STX8: variants seen among roughly 807,000 people sequenced by gnomAD.
STX8 encodes syntaxin-8.
Under a neutral mutation model 37.5 loss-of-function variants are expected in STX8, and 23 were observed. That is an observed-to-expected ratio of 0.61 (90% CI 0.44 to 0.87). STX8 has a LOEUF of 0.87. Among genes scored for constraint, STX8 ranks in the 40% least tolerant of loss-of-function variants. The probability of loss-of-function intolerance (pLI) is 0.00; values close to 1 mark genes in which losing one functional copy is unlikely to be tolerated. For missense variants in STX8, 313 were observed against 284.7 expected (o/e 1.10, Z -0.71); for synonymous variants, 115 against 99.1 (o/e 1.16, Z -0.95).
intron 6 of STX8, among the ~76,000 whole-genome samples, chr17:9,476,745 A>G (rs542469572): frequency 8.6e-5 from 13 of 151,826 alleles, no homozygotes; most frequent in East Asian, 3.9e-4. Flanking sequence ...GAGCCACCGC[A>G]CCCAGCCAGA....
intron 6 of STX8, among the ~76,000 whole-genome samples, chr17:9,462,035 T>C (rs1463012248): frequency 3.3e-5 from 5 of 152,092 alleles, no homozygotes; most frequent in South Asian, 2.1e-4. Flanking sequence ...GGGCTATAAA[T>C]ACAGATGAAG....
intron 7 of STX8, among the ~76,000 whole-genome samples, chr17:9,344,207 G>A (rs183870646): frequency 2.6e-5 from 4 of 151,864 alleles, no homozygotes; most frequent in Admixed American, 2.0e-4. Context: ...TCAAGACCAC[G>A]GAGGCTCCAG....
chr17:9,362,691 G>A (rs536385564), intron 7 of STX8, among the ~76,000 whole-genome samples: 13 of 151,806 alleles, frequency 8.6e-5, no homozygotes, highest in African/African-American at 2.4e-4. Flanking sequence ...GCGTGGTGGC[G>A]GGCGCCTGTA....
At chr17:9,349,923 G>C (rs919625556) in intron 7 of STX8, among the ~76,000 whole-genome samples, 1 of 152,114 alleles carries the variant, frequency 6.6e-6, no homozygotes, top group Admixed American at 6.5e-5. Flanking sequence ...CTTTTGTAGA[G>C]ATGGGGTCTG....
In STX8 at chr17:9,575,820, C is replaced by T; in HGVS notation, c.-12G>A. 3.2e-6 allele frequency: 5 copies of T among 1,538,936 alleles called. No homozygotes were observed. Among genetic ancestry groups the T allele is most frequent in the African/African-American group, 1.4e-5 (1 of 73,134 alleles). On this transcript the variant is annotated 5_prime_UTR_variant, in exon 1 of 8. Transcript: ENST00000306357. ...GGGTCCGGTGCCATCCTGCAGACTC[C>T]GCCCGCCGCTCGGACTCTTCCTGCT...
At chr17:9,303,654 A>T (rs960967635) in intron 7 of STX8, among the ~76,000 whole-genome samples, 3 of 152,224 alleles carry the variant, frequency 2.0e-5, no homozygotes, top group African/African-American at 7.2e-5. Flanking sequence ...TAGGGCTTAA[A>T]ATTAATCTCT....
At chr17:9,487,134 T>A (rs1215173254) in intron 6 of STX8, among the ~76,000 whole-genome samples, 1 of 152,200 alleles carries the variant, frequency 6.6e-6, no homozygotes, top group East Asian at 1.9e-4. Context: ...CCCTTTTTAA[T>A]TCTCTATGAG....
At chr17:9,551,440 T>C (rs566039300) in intron 3 of STX8, among the ~76,000 whole-genome samples, 3 of 152,262 alleles carry the variant, frequency 2.0e-5, no homozygotes, top group South Asian at 2.1e-4. Flanking sequence ...ACAATAATGA[T>C]AAAATAATCA....
At chr17:9,462,577 G>A (rs894678405) in intron 6 of STX8, among the ~76,000 whole-genome samples, 2 of 152,006 alleles carry the variant, frequency 1.3e-5, no homozygotes, top group Non-Finnish European at 2.9e-5. Flanking sequence ...CAAAAAATTC[G>A]CTGGGCGTGG....
At chr17:9,535,160 T>C (rs1905977386) in intron 4 of STX8, among the ~76,000 whole-genome samples, 1 of 152,052 alleles carries the variant, frequency 6.6e-6, no homozygotes, top group Non-Finnish European at 1.5e-5. Flanking sequence ...CACAGGAGAA[T>C]TTCTTTATAA....
intron 7 of STX8, among the ~76,000 whole-genome samples, chr17:9,267,131 T>C (rs903381380): frequency 6.6e-6 from 1 of 152,172 alleles, no homozygotes; most frequent in African/African-American, 2.4e-5. Flanking sequence ...GGAAGCTGTA[T>C]GGCATAAGAG....
rs370197594 is a variant in STX8 at position 9,441,892 on chromosome 17, G to T, written c.541+49937C>A. 7.2e-5 allele frequency among the ~76,000 whole-genome samples: 11 copies of T among 151,780 alleles called. No individual in the cohort carries two copies. In the East Asian group the frequency reaches 1.8e-3, roughly 24 times the overall value. Reference sequence around the variant, plus strand: ...GGGTTTCACCGTGTTAGCCAGGATGGTCTCAATCTCCTGACCTCGTGATCC... The same window carrying T: ...GGGTTTCACCGTGTTAGCCAGGATGTTCTCAATCTCCTGACCTCGTGATCC... On this transcript the variant is annotated intron_variant, in intron 6 of 7. Coordinates refer to ENST00000306357, the MANE Select transcript of STX8 (RefSeq NM_004853.3).
rs76388252 is a variant in STX8, at chr17:9,405,097, T to C, written c.542-26444A>G. On this transcript the variant is annotated intron_variant, in intron 6 of 7. Coordinates refer to ENST00000306357, the MANE Select transcript of STX8 (RefSeq NM_004853.3). ...CACAGTTTTCTCCAGCAGGAAATTA[T>C]TGTTTTGGGCTTGATGGCTTCCATA... is the stretch of plus-strand genomic sequence containing the variant. 5.7e-3 allele frequency among the ~76,000 whole-genome samples: 866 copies of C among 152,314 alleles called. 10 individuals are homozygous for C. The highest frequency in any genetic ancestry group is 0.02 in the African/African-American group (822 of 41,552).
chr17:9,302,039 C>G (rs1172384939), intron 7 of STX8, among the ~76,000 whole-genome samples: 1 of 152,090 alleles, frequency 6.6e-6, no homozygotes, highest in South Asian at 2.1e-4. Context: ...AAATAGTTTG[C>G]CCATAAAACT....
intron 7 of STX8, among the ~76,000 whole-genome samples, chr17:9,319,514 A>G (rs1462109628): frequency 6.6e-6 from 1 of 152,218 alleles, no homozygotes; most frequent in Non-Finnish European, 1.5e-5. Flanking sequence ...AATACAGAAA[A>G]TGCAACAGCA....
chr17:9,372,714 G>A (rs189217842), intron 7 of STX8, among the ~76,000 whole-genome samples: 56 of 150,214 alleles, frequency 3.7e-4, no homozygotes, highest in African/African-American at 1.2e-3. Flanking sequence ...TTGACCTTGT[G>A]ATCCACCCGC....
chr17:9,310,470 C>G (rs1909154451), intron 7 of STX8, among the ~76,000 whole-genome samples: 1 of 152,180 alleles, frequency 6.6e-6, no homozygotes, highest in Non-Finnish European at 1.5e-5. Context: ...CCCCACCTGT[C>G]TGCTTAAAGT....
intron 6 of STX8, among the ~76,000 whole-genome samples, chr17:9,396,534 G>A (rs1597645830): frequency 6.6e-6 from 1 of 151,702 alleles, no homozygotes; most frequent in East Asian, 1.9e-4. Flanking sequence ...AACATGGTGA[G>A]ACCCCGTCTC....
intron 2 of STX8, among the ~76,000 whole-genome samples, chr17:9,558,822 C>CAA (rs35485022): frequency 1.3e-4 from 14 of 104,448 alleles, no homozygotes; most frequent in African/African-American, 4.2e-4. Flanking sequence ...GACTCCGTCT[C>CAA]AAAAAAAAAA....
Sources: gnomAD v4.1 joint callset for allele counts (sites outside exome capture counted in the v4.1 genomes callset) on GRCh38, gnomAD v4.1.1 for gene constraint, MANE v1.5 for transcripts, NCBI Gene and HGNC (gene_info 2026-07-23, HGNC 2026-07-21) for gene names.